Variants in LRRC7 observed in about 807,000 individuals in gnomAD.
LRRC7 encodes the protein leucine-rich repeat-containing protein 7.
A neutral mutation model predicts 175.7 loss-of-function variants in LRRC7; 23 were observed. The observed-to-expected ratio is 0.13, with a 90% CI of 0.09 to 0.19. The LOEUF (loss-of-function observed/expected upper bound fraction) is 0.19. Among genes scored for constraint, LRRC7 ranks in the 10% least tolerant of loss-of-function variants. The pLI is 1.00. For synonymous variants in LRRC7, 685 were observed against 680.9 expected (o/e 1.01, Z -0.09); for missense variants, 1,354 against 1,904.7 (o/e 0.71, Z 5.38).
chr1:70,088,883 C>T (rs2102164820), intron 24 of LRRC7, among the ~76,000 whole-genome samples: 1 of 152,244 alleles, frequency 6.6e-6, no homozygotes, highest in East Asian at 1.9e-4. Flanking sequence ...GGACCCTACC[C>T]CTAATGCCAT....
intron 7 of LRRC7, among the ~76,000 whole-genome samples, chr1:69,877,424 G>A (rs1452946324): frequency 1.6e-4 from 24 of 152,058 alleles, no homozygotes; most frequent in Admixed American, 1.6e-3. Context: ...CTGCACTCCA[G>A]CCTGGGCAAC....
intron 26 of LRRC7, among the ~76,000 whole-genome samples, chr1:70,113,410 A>G (rs1010650916): frequency 6.6e-6 from 1 of 152,176 alleles, no homozygotes; most frequent in African/African-American, 2.4e-5. Context: ...ATAAGAGAGA[A>G]TTTATATCAT....
intron 1 of LRRC7, among the ~76,000 whole-genome samples, chr1:69,663,980 C>T (rs920457654): frequency 6.6e-6 from 1 of 152,042 alleles, no homozygotes; most frequent in Non-Finnish European, 1.5e-5. Flanking sequence ...CTCGGCCTCC[C>T]AAAGTGCTGG....
chr1:70,097,759 A>G (rs1161485057), intron 25 of LRRC7, among the ~76,000 whole-genome samples: 1 of 151,442 alleles, frequency 6.6e-6, no homozygotes, highest in African/African-American at 2.4e-5. Flanking sequence ...ATGATTTCCA[A>G]TTTCATCCAT....
intron 7 of LRRC7, among the ~76,000 whole-genome samples, chr1:69,844,169 T>C (rs1682065113): frequency 6.6e-6 from 1 of 152,196 alleles, no homozygotes; most frequent in African/African-American, 2.4e-5. Flanking sequence ...TATTGTGTTC[T>C]TCAATTTCCT....
intron 1 of LRRC7, among the ~76,000 whole-genome samples, chr1:69,623,963 T>C (rs762561355): frequency 2.0e-5 from 3 of 152,232 alleles, no homozygotes; most frequent in Non-Finnish European, 4.4e-5. Flanking sequence ...TGTATGTTTC[T>C]CATTTGGGGC....
In LRRC7 at chr1:70,043,976, C is replaced by G; in HGVS notation, c.3992C>G (p.Thr1331Arg). 1 of 1,612,778 alleles carries G rather than the reference C, an allele frequency of 6.2e-7. No homozygotes were observed. The highest frequency in any genetic ancestry group is 8.5e-7 in the Non-Finnish European group (1 of 1,179,078). ...CAGAATGCTGCTTACAAACACAATACAGTTAACCTTGGCATGCTGCCCTAT... is the reference window on the plus strand; with the variant it reads ...CAGAATGCTGCTTACAAACACAATAGAGTTAACCTTGGCATGCTGCCCTAT... ...LDRNAAYKHN[T>R]VNLGMLPYGG... Residue 1331 changes from threonine to arginine, a missense_variant, in exon 22 of 27, where the codon ACA (threonine) becomes AGA (arginine). Physicochemically the swap from Thr to Arg is moderately conservative, Grantham distance 71. Transcript: ENST00000651989.
At chr1:70,093,753 A>G (rs992736110) in intron 25 of LRRC7, among the ~76,000 whole-genome samples, 7 of 152,186 alleles carry the variant, frequency 4.6e-5, no homozygotes, top group African/African-American at 1.7e-4. Flanking sequence ...GGACTAAGGT[A>G]TCATTACAGT....
In LRRC7 at chr1:69,682,335, G is replaced by T. The variant is rs1304363237; in HGVS notation, c.100+3857G>T. On this transcript the variant is annotated intron_variant, in intron 2 of 26. Coordinates refer to ENST00000651989, the MANE Select transcript of LRRC7 (RefSeq NM_001370785.2). ...CATATTTTATTGTCCAGAAGAAAGT[G>T]ATAAGTCCAGCTTATATCCAAGGAG... Among the ~76,000 whole-genome samples, 5 of 152,196 alleles carry T rather than the reference G, an allele frequency of 3.3e-5. No individual in the cohort carries two copies. The East Asian group carries it at 9.7e-4, about 29-fold the overall frequency.
intron 1 of LRRC7, among the ~76,000 whole-genome samples, chr1:69,597,242 A>G (rs1646879266): frequency 6.6e-6 from 1 of 152,136 alleles, no homozygotes; most frequent in Non-Finnish European, 1.5e-5. Context: ...GAGAAGGAGT[A>G]AAAGACAGGG....
At chr1:69,877,014 A>T (rs1269993261) in intron 7 of LRRC7, among the ~76,000 whole-genome samples, 3 of 152,170 alleles carry the variant, frequency 2.0e-5, no homozygotes, top group Non-Finnish European at 4.4e-5. Flanking sequence ...TTGGAATTTT[A>T]AAATGGGCAA....
chr1:69,764,722 T>TAGACAGACAGAC (rs1220324891), intron 3 of LRRC7, among the ~76,000 whole-genome samples: 1 of 99,974 alleles, frequency 1.0e-5, no homozygotes, highest in African/African-American at 3.7e-5. Context: ...GGTAGGTAGA[T>TAGACAGACAGAC]AGATAGACAG....
In LRRC7 at chr1:69,891,384, A is replaced by G. The variant is rs1645827950; in HGVS notation, c.648-40123A>G. Among the ~76,000 whole-genome samples the G allele has an allele frequency of 2.0e-5, 3 of 152,186 alleles. No homozygotes were observed. In the South Asian group the frequency reaches 6.2e-4, roughly 31 times the overall value. ...TATCAAATTAACTTTTCCATCTTAT[A>G]TGGGCATGGTTCATGGCTCCCCAAA... On this transcript the variant is annotated intron_variant, in intron 7 of 26. Coordinates refer to ENST00000651989, the MANE Select transcript of LRRC7 (RefSeq NM_001370785.2).
At chr1:69,847,957 A>T (rs1682559913) in intron 7 of LRRC7, among the ~76,000 whole-genome samples, 1 of 152,136 alleles carries the variant, frequency 6.6e-6, no homozygotes, top group South Asian at 2.1e-4. Flanking sequence ...GCCTCCCAAC[A>T]CTTTCACAAT....
chr1:69,811,914 T>G (rs953617446), intron 4 of LRRC7, among the ~76,000 whole-genome samples: 3 of 152,056 alleles, frequency 2.0e-5, no homozygotes, highest in African/African-American at 7.2e-5. Context: ...GAACTTAAAC[T>G]ATAATAAAAA....
chr1:69,665,939 G>A lies in LRRC7; in HGVS notation c.3-12442G>A, dbSNP rs565240160. 2.0e-5 allele frequency among the ~76,000 whole-genome samples: 3 copies of A among 152,160 alleles called. No individual in the cohort carries two copies. In the South Asian group the frequency reaches 6.2e-4, roughly 32 times the overall value. Reference sequence around the variant, plus strand: ...AAGGCTTTCAGGTTTTCCCCATTAAGTATGATACTAGCTGTGGATCTGTCA... The same window carrying A: ...AAGGCTTTCAGGTTTTCCCCATTAAATATGATACTAGCTGTGGATCTGTCA... On this transcript the variant is annotated intron_variant, in intron 1 of 26. Transcript: ENST00000651989.
chr1:69,670,885 C>G (rs1658972670), intron 1 of LRRC7, among the ~76,000 whole-genome samples: 1 of 152,086 alleles, frequency 6.6e-6, no homozygotes, highest in African/African-American at 2.4e-5. Context: ...TGCTGCCTGG[C>G]ATGGGACTCA....
In LRRC7 at chr1:69,677,299, A is replaced by C. The variant is rs1201622008; in HGVS notation, c.3-1082A>C. 2.7e-5 allele frequency among the ~76,000 whole-genome samples: 4 copies of C among 149,258 alleles called. No individual in the cohort carries two copies. In the East Asian group the frequency reaches 7.8e-4, roughly 29 times the overall value. On this transcript the variant is annotated intron_variant, in intron 1 of 26. Coordinates refer to ENST00000651989, the MANE Select transcript of LRRC7 (RefSeq NM_001370785.2). ...ATCATACATATCATATATATCCCAC[A>C]TTTTCTTTATCCACTTATAGGGTGA...
intron 11 of LRRC7, among the ~76,000 whole-genome samples, chr1:70,001,393 G>A (rs938267263): frequency 6.6e-6 from 1 of 152,098 alleles, no homozygotes; most frequent in South Asian, 2.1e-4. Context: ...GAGAAATTAT[G>A]CAAGTGAATA....
Sources: allele counts gnomAD v4.1 joint callset (sites outside exome capture counted in the v4.1 genomes callset), GRCh38; gene constraint gnomAD v4.1.1; transcripts MANE v1.5; gene names NCBI Gene and HGNC (gene_info 2026-07-23, HGNC 2026-07-21).